The following KCTD16 variants were observed in gnomAD, a reference collection of about 807,000 sequenced individuals.
KCTD16 encodes the protein BTB/POZ domain-containing protein KCTD16.
Under a neutral mutation model 33.2 loss-of-function variants are expected in KCTD16, and 13 were observed. The ratio of observed to expected loss-of-function variants is 0.39; its 90% CI spans 0.25 to 0.62. The LOEUF is 0.62. KCTD16 is among the 20% of genes least tolerant of loss of function. The pLI, the probability that KCTD16 is intolerant of heterozygous loss-of-function variation, is 0.50. For missense variants in KCTD16, 441 were observed against 525.1 expected (o/e 0.84, Z 1.57); for synonymous variants, 197 against 195.3 (o/e 1.01, Z -0.07).
At chr5:144,442,442 T>TTC (rs1449125922) in intron 3 of KCTD16, among the ~76,000 whole-genome samples, 13 of 119,354 alleles carry the variant, frequency 1.1e-4, no homozygotes, top group African/African-American at 3.5e-4. Context: ...TTCTTTTCTC[T>TTC]TTTCTTTCTT....
chr5:144,380,004 A>G (rs1464068873), intron 3 of KCTD16, among the ~76,000 whole-genome samples: 18 of 152,138 alleles, frequency 1.2e-4, no homozygotes, highest in Admixed American at 1.2e-3. Flanking sequence ...GGTTTTATAC[A>G]TATATGCAGT....
chr5:144,343,028 G>A (rs1032349384), intron 3 of KCTD16, among the ~76,000 whole-genome samples: 1 of 152,158 alleles, frequency 6.6e-6, no homozygotes, highest in African/African-American at 2.4e-5. Context: ...AAGGATATTG[G>A]TCTAAAATTC....
chr5:144,345,729 A>G (rs1279302805), intron 3 of KCTD16, among the ~76,000 whole-genome samples: 1 of 152,110 alleles, frequency 6.6e-6, no homozygotes, highest in Non-Finnish European at 1.5e-5. Context: ...TTGTGGGTAC[A>G]TAGTAGGTGT....
intron 3 of KCTD16, among the ~76,000 whole-genome samples, chr5:144,445,575 G>A (rs1348008028): frequency 1.3e-5 from 2 of 151,988 alleles, no homozygotes; most frequent in Non-Finnish European, 2.9e-5. Flanking sequence ...TTATTTATAT[G>A]TGATTATGTT....
chr5:144,200,861 C>T (rs1753031343), intron 2 of KCTD16, among the ~76,000 whole-genome samples: 1 of 152,198 alleles, frequency 6.6e-6, no homozygotes, highest in Non-Finnish European at 1.5e-5. Context: ...CTCAGCCTCC[C>T]AAGTAGCTGG....
rs889470402 is a variant in KCTD16 at position 144,477,035 on chromosome 5, C to T, written c.*2921C>T. On this transcript the variant is annotated 3_prime_UTR_variant, in exon 4 of 4. Transcript: ENST00000512467. ...TTAGATTGCCTTCTGGGAAATCCCG[C>T]GATACTAAAATCCAGTGAGCTTTGG... 8 of 151,972 alleles carry T rather than the reference C, an allele frequency of 5.3e-5. No individual in the cohort carries two copies. Among genetic ancestry groups the T allele is most frequent in the African/African-American group, 1.7e-4 (7 of 41,384 alleles). 9.4% of individuals were successfully genotyped at this position (151,972 alleles called of 1,614,324 possible).
intron 3 of KCTD16, among the ~76,000 whole-genome samples, chr5:144,455,865 C>T (rs1312861782): frequency 2.0e-5 from 3 of 152,136 alleles, no homozygotes. Context: ...TGGGATCATT[C>T]CTGATTCTTC....
At chr5:144,281,512 T>G (rs1755608971) in intron 3 of KCTD16, among the ~76,000 whole-genome samples, 1 of 152,236 alleles carries the variant, frequency 6.6e-6, no homozygotes, top group South Asian at 2.1e-4. Context: ...TCAGATATTT[T>G]TCTGCTATAT....
intron 2 of KCTD16, among the ~76,000 whole-genome samples, chr5:144,202,307 T>A (rs967655421): frequency 1.3e-5 from 2 of 152,232 alleles, no homozygotes; most frequent in East Asian, 1.9e-4. Context: ...CTTGGCTTCT[T>A]GCCTCTTGTT....
At chr5:144,350,398 C>T (rs1751390086) in intron 3 of KCTD16, among the ~76,000 whole-genome samples, 1 of 152,118 alleles carries the variant, frequency 6.6e-6, no homozygotes, top group Non-Finnish European at 1.5e-5. Flanking sequence ...AGGACAGAGA[C>T]ACATATTATA....
intron 3 of KCTD16, among the ~76,000 whole-genome samples, chr5:144,238,134 GC>G (rs1754303705): frequency 6.6e-6 from 1 of 152,168 alleles, no homozygotes. Context: ...TGAAGGTGGG[GC>G]TTGTGCAGCC....
intron 3 of KCTD16, among the ~76,000 whole-genome samples, chr5:144,219,339 G>A (rs1297011818): frequency 6.6e-6 from 1 of 151,384 alleles, no homozygotes; most frequent in Non-Finnish European, 1.5e-5. Context: ...TCAGCCTCCC[G>A]TGTAGCTGGG....
intron 2 of KCTD16, among the ~76,000 whole-genome samples, chr5:144,183,152 A>G (rs1752661164): frequency 1.3e-5 from 2 of 152,156 alleles, no homozygotes; most frequent in African/African-American, 4.8e-5. Context: ...GGGCTACTTC[A>G]GTATTGAATC....
At chr5:144,414,738 A>T (rs1256387662) in intron 3 of KCTD16, among the ~76,000 whole-genome samples, 1 of 152,134 alleles carries the variant, frequency 6.6e-6, no homozygotes, top group South Asian at 2.1e-4. Context: ...TTTTTCTGCT[A>T]TATCACCCTC....
chr5:144,410,882 T>C (rs1752917272), intron 3 of KCTD16, among the ~76,000 whole-genome samples: 1 of 152,198 alleles, frequency 6.6e-6, no homozygotes, highest in South Asian at 2.1e-4. Flanking sequence ...TGTTATAAGC[T>C]GAGTATTTGG....
At position 144,242,314 on chromosome 5, in the gene KCTD16, A is replaced by G. The variant is rs184372869; in HGVS notation, c.832+34768A>G. On this transcript the variant is annotated intron_variant, in intron 3 of 3. Coordinates refer to ENST00000512467, the MANE Select transcript of KCTD16 (RefSeq NM_020768.4). ...CTTCTTAGCAAGTGTCTTTTTGTAG[A>G]AAATGATAAGCATTTCACCATATGG... Among the ~76,000 whole-genome samples the G allele has an allele frequency of 9.2e-5, 14 of 152,240 alleles. No individual in the cohort carries two copies. The East Asian group carries it at 2.7e-3, about 29-fold the overall frequency.
At chr5:144,216,267 A>G (rs1465170998) in intron 3 of KCTD16, among the ~76,000 whole-genome samples, 1 of 152,186 alleles carries the variant, frequency 6.6e-6, no homozygotes, top group Non-Finnish European at 1.5e-5. Flanking sequence ...TTTGCTTCAC[A>G]CTGTGAGTAG....
intron 3 of KCTD16, among the ~76,000 whole-genome samples, chr5:144,445,482 T>A (rs1753799870): frequency 6.6e-6 from 1 of 152,046 alleles, no homozygotes; most frequent in Non-Finnish European, 1.5e-5. Context: ...AACATCCTTG[T>A]ATGGAAATTG....
At chr5:144,393,476 C>G (rs1000396321) in intron 3 of KCTD16, among the ~76,000 whole-genome samples, 1 of 152,126 alleles carries the variant, frequency 6.6e-6, no homozygotes, top group Non-Finnish European at 1.5e-5. Flanking sequence ...TCATACTACT[C>G]AACCCCTAGG....
Sources: allele counts gnomAD v4.1 joint callset (sites outside exome capture counted in the v4.1 genomes callset), GRCh38; gene constraint gnomAD v4.1.1; transcripts MANE v1.5; gene names NCBI Gene and HGNC (gene_info 2026-07-23, HGNC 2026-07-21).